Variants in KPNA1 observed in about 807,000 individuals in gnomAD.
KPNA1 encodes the protein importin subunit alpha-5.
In KPNA1, 10 loss-of-function variants were observed where a neutral mutation model predicts 70.5. That is an observed-to-expected ratio of 0.14 (90% CI 0.09 to 0.24). The LOEUF (loss-of-function observed/expected upper bound fraction) is 0.24. Ranked by LOEUF, KPNA1 falls within the 10% of genes least tolerant of loss-of-function variation. The pLI is 1.00. For missense variants in KPNA1, 397 were observed against 637.9 expected, an observed-to-expected ratio of 0.62 and a Z score of 4.07; for synonymous variants, 192 against 221.9, an observed-to-expected ratio of 0.87 and a Z score of 1.20.
At chr3:122,477,217 A>T (rs1290876445) in intron 2 of KPNA1, among the ~76,000 whole-genome samples, 1 of 152,200 alleles carries the variant, frequency 6.6e-6, no homozygotes. Flanking sequence ...GAATCTAAAA[A>T]AGCCAAACTC....
At chr3:122,459,454 A>G in intron 5 of KPNA1, 1 of 985,378 alleles carries the variant, frequency 1.0e-6, no homozygotes. Context: ...TCTTCCTACA[A>G]AGCATTTCAA....
chr3:122,457,116 T>TTAAGTG (rs57744967), intron 5 of KPNA1, among the ~76,000 whole-genome samples: 1 of 151,486 alleles, frequency 6.6e-6, no homozygotes, highest in East Asian at 1.9e-4. Flanking sequence ...TTAAACGTAT[T>TTAAGTG]TATGTTTTTA....
chr3:122,455,665 C>A (rs1219127065), intron 5 of KPNA1, among the ~76,000 whole-genome samples: 1 of 152,144 alleles, frequency 6.6e-6, no homozygotes, highest in African/African-American at 2.4e-5. Flanking sequence ...AAGTGATTCT[C>A]CTGCCTCAGC....
Position 122,426,999 on chromosome 3 carries a change from C to T in KPNA1, c.1603G>A (p.Gly535Ser). ...AGAGTATTGCTTCAAAGCTGGAAACCTTCCATAGGAGCCTCACACTGTTGG... is the reference window on the plus strand; with the variant it reads ...AGAGTATTGCTTCAAAGCTGGAAACTTTCCATAGGAGCCTCACACTGTTGG... ...IFQQCEAPMEGFQL is the reference protein window; with the variant it reads ...IFQQCEAPMESFQL The change falls in exon 14 of 14, where the codon GGT becomes AGT. Residue 535 changes from glycine (G) to serine (S), a missense_variant. Physicochemically the swap from Gly to Ser is moderately conservative, Grantham distance 56. Coordinates refer to ENST00000344337, the MANE Select transcript of KPNA1 (RefSeq NM_002264.4). 1 of 1,613,972 alleles carries T rather than the reference C, an allele frequency of 6.2e-7. No individual in the cohort carries two copies. Among genetic ancestry groups the T allele is most frequent in the Non-Finnish European group, 8.5e-7 (1 of 1,179,904 alleles).
intron 2 of KPNA1, among the ~76,000 whole-genome samples, chr3:122,472,990 A>G (rs2076459460): frequency 6.6e-6 from 1 of 152,200 alleles, no homozygotes; most frequent in Admixed American, 6.5e-5. Flanking sequence ...CTGAGGCACC[A>G]GAATCACCTG....
At chr3:122,494,542 A>T (rs1193622380) in intron 2 of KPNA1, among the ~76,000 whole-genome samples, 3 of 152,184 alleles carry the variant, frequency 2.0e-5, no homozygotes, top group Admixed American at 2.0e-4. Flanking sequence ...ATAACCTTGT[A>T]GTATAATTTT....
At chr3:122,511,592 T>C (rs148516691) in intron 1 of KPNA1, among the ~76,000 whole-genome samples, 11 of 152,364 alleles carry the variant, frequency 7.2e-5, no homozygotes, top group African/African-American at 2.2e-4. Flanking sequence ...ATGCAGGCCC[T>C]ATCTGGCCCT....
At chr3:122,431,777 A>G (rs1168114472) in intron 12 of KPNA1, among the ~76,000 whole-genome samples, 2 of 151,894 alleles carry the variant, frequency 1.3e-5, no homozygotes, top group Non-Finnish European at 2.9e-5. Context: ...AATAAAATAT[A>G]TATGTTTATG....
chr3:122,506,029 C>T (rs1008117052), intron 1 of KPNA1, among the ~76,000 whole-genome samples: 23 of 152,204 alleles, frequency 1.5e-4, no homozygotes, highest in Non-Finnish European at 3.2e-4. Flanking sequence ...CTTGGTCCTG[C>T]AAGATCCTTT....
chr3:122,452,763 G>C (rs969030122), intron 6 of KPNA1, among the ~76,000 whole-genome samples: 1 of 151,408 alleles, frequency 6.6e-6, no homozygotes, highest in African/African-American at 2.4e-5. Context: ...GGGAAGGAGA[G>C]ACGGAGAGAA....
intron 2 of KPNA1, among the ~76,000 whole-genome samples, chr3:122,469,128 TACTG>T (rs1428541479): frequency 6.6e-6 from 1 of 152,172 alleles, no homozygotes; most frequent in Non-Finnish European, 1.5e-5. Flanking sequence ...ACTGTTTCAG[TACTG>T]ACTGACTGGT....
chr3:122,439,271 C>T (rs114091190), intron 10 of KPNA1, among the ~76,000 whole-genome samples: 202 of 152,308 alleles, frequency 1.3e-3, no homozygotes, highest in African/African-American at 4.8e-3. Flanking sequence ...CAACCTCAAA[C>T]TCCTGGGTGC....
chr3:122,471,022 A>G (rs1305706469), intron 2 of KPNA1, among the ~76,000 whole-genome samples: 3 of 152,188 alleles, frequency 2.0e-5, no homozygotes, highest in Non-Finnish European at 2.9e-5. Flanking sequence ...TTTATATATC[A>G]TCTTCCATCA....
chr3:122,422,886 A>G lies in KPNA1; in HGVS notation c.*4099T>C, dbSNP rs1396966267. The G allele has an allele frequency of 6.6e-6, 1 of 152,256 alleles. No individual in the cohort carries two copies. Among genetic ancestry groups the G allele is most frequent in the East Asian group, 1.9e-4 (1 of 5,202 alleles). The allele number at this position is 152,256 out of a possible 1,614,324, so 9.4% of individuals were successfully genotyped here. A position where few individuals can be genotyped will look rare whatever the true frequency, so the allele number is the denominator to read the frequency against. On this transcript the variant is annotated 3_prime_UTR_variant, in exon 14 of 14. Transcript: ENST00000344337. ...CTGGGACTTCGTTTACCCTTAGTTG[A>G]AAACAGAACGGAACACTTCTTTTCT...
intron 2 of KPNA1, among the ~76,000 whole-genome samples, chr3:122,481,185 G>C (rs1429309849): frequency 6.6e-6 from 1 of 152,176 alleles, no homozygotes; most frequent in African/African-American, 2.4e-5. Context: ...ATACCGTATA[G>C]TACATACATA....
intron 2 of KPNA1, among the ~76,000 whole-genome samples, chr3:122,486,852 G>A (rs1386994946): frequency 6.6e-6 from 1 of 152,150 alleles, no homozygotes; most frequent in Non-Finnish European, 1.5e-5. Context: ...CTCCCAAAGT[G>A]CTGGGATTAC....
At chr3:122,493,319 T>C (rs1450650053) in intron 2 of KPNA1, among the ~76,000 whole-genome samples, 1 of 149,206 alleles carries the variant, frequency 6.7e-6, no homozygotes, top group Non-Finnish European at 1.5e-5. Context: ...CCTTTTAGTC[T>C]CAGAAATACT....
intron 1 of KPNA1, 24 bp downstream of exon 1, chr3:122,514,733 G>GGGCCGC (rs1340353314): frequency 2.0e-5 from 3 of 152,296 alleles, no homozygotes; most frequent in Non-Finnish European, 4.4e-5. Context: ...GGAGGGGCCG[G>GGGCCGC]GGCCGCAAGG....
At chr3:122,498,675 C>G (rs916859726) in intron 1 of KPNA1, among the ~76,000 whole-genome samples, 2 of 152,134 alleles carry the variant, frequency 1.3e-5, no homozygotes. Context: ...GTTTTGAACT[C>G]GAAAAATGTC....
Sources: allele counts gnomAD v4.1 joint callset (sites outside exome capture counted in the v4.1 genomes callset), GRCh38; gene constraint gnomAD v4.1.1; transcripts MANE v1.5; gene names NCBI Gene and HGNC (gene_info 2026-07-23, HGNC 2026-07-21).